Variants in NARS2 observed in about 807,000 individuals in gnomAD.
The protein encoded by NARS2 is asparaginyl-tRNA synthetase 2, mitochondrial.
NARS2 carries 60 observed loss-of-function variants against 62.9 expected under a neutral mutation model. The ratio of observed to expected loss-of-function variants is 0.95; its 90% confidence interval spans 0.77 to 1.18. NARS2 has a LOEUF of 1.18. Among genes scored for constraint, NARS2 ranks in the 50% most tolerant of loss-of-function variants. NARS2 has a pLI of 0.00. For synonymous variants in NARS2, 196 were observed against 200.0 expected (o/e 0.98, Z 0.17); for missense variants, 619 against 576.4 (o/e 1.07, Z -0.76).
intron 11 of NARS2, among the ~76,000 whole-genome samples, chr11:78,446,350 T>C (rs1857759459): frequency 6.6e-6 from 1 of 152,158 alleles, no homozygotes; most frequent in Non-Finnish European, 1.5e-5. Context: ...TGAATCAGAG[T>C]GAGCAAGAAC....
intron 5 of NARS2, among the ~76,000 whole-genome samples, chr11:78,529,544 C>G (rs532168810): frequency 2.6e-5 from 4 of 152,300 alleles, no homozygotes; most frequent in African/African-American, 9.6e-5. Flanking sequence ...ATTATTCCAT[C>G]TGAAATGAGT....
intron 11 of NARS2, among the ~76,000 whole-genome samples, chr11:78,449,187 G>C (rs1396688778): frequency 3.4e-5 from 5 of 146,132 alleles, no homozygotes; most frequent in Non-Finnish European, 5.9e-5. Context: ...CCAGGCTGGA[G>C]TGCAGTGGTG....
At chr11:78,478,718 A>C (rs201559758) in intron 7 of NARS2, 35 bp from the exon 8 acceptor site, 84 of 1,404,152 alleles carry the variant, frequency 6.0e-5, no homozygotes, top group Non-Finnish European at 9.9e-6. Context: ...CTGACACGTA[A>C]GCAATTTTAC....
At chr11:78,515,335 T>G (rs566970991) in intron 6 of NARS2, among the ~76,000 whole-genome samples, 1 of 152,232 alleles carries the variant, frequency 6.6e-6, no homozygotes, top group South Asian at 2.1e-4. Context: ...TGACACAGGT[T>G]GGGAGGTCCC....
rs57161960 is a variant in NARS2 at position 78,574,515 on chromosome 11, G to A, written c.-27C>T. ...CCGCGTCCGCCCAGGCCCTCCGCGG[G>A]AGCAGCCCAGACCCCACGGTTCGAA... On this transcript the variant is annotated 5_prime_UTR_variant, in exon 1 of 14. Coordinates refer to ENST00000281038, the MANE Select transcript of NARS2 (RefSeq NM_024678.6). 4.4e-6 allele frequency: 7 copies of A among 1,585,108 alleles called. No homozygotes were observed. The highest frequency in any genetic ancestry group is 6.0e-6 in the Non-Finnish European group (7 of 1,167,586).
At chr11:78,509,953 A>G (rs1429242100) in intron 6 of NARS2, among the ~76,000 whole-genome samples, 1 of 152,202 alleles carries the variant, frequency 6.6e-6, no homozygotes, top group Non-Finnish European at 1.5e-5. Flanking sequence ...TGTACTCTCC[A>G]TGGTAACGAC....
At position 78,493,116 on chromosome 11, in the gene NARS2, A is replaced by G; in HGVS notation, c.769T>C (p.Tyr257His). Residue 257 changes from tyrosine (Y) to histidine (H), a missense_variant, in exon 7 of 14, where the codon TAT (tyrosine) becomes CAT (histidine). Tyr to His is a moderately conservative substitution (Grantham distance 83). Coordinates refer to ENST00000281038, the MANE Select transcript of NARS2 (RefSeq NM_024678.6). Reference protein sequence around the residue: ...SQSRRHLAEFYMIEAEISFVD... With the variant: ...SQSRRHLAEFHMIEAEISFVD... ...AAAGAAATCTCTGCTTCTATCATAT[A>G]AAACTCTGCCAGGTGCCTCCGGCTC... 6.2e-7 allele frequency: 1 copy of G among 1,614,036 alleles called. No individual in the cohort carries two copies. Among genetic ancestry groups the G allele is most frequent in the Non-Finnish European group, 8.5e-7 (1 of 1,179,912 alleles).
intron 11 of NARS2, among the ~76,000 whole-genome samples, chr11:78,449,139 T>G (rs1289064804): frequency 6.8e-6 from 1 of 146,410 alleles, no homozygotes; most frequent in Non-Finnish European, 1.5e-5. Flanking sequence ...AAATGTTTTT[T>G]TTTTTTTTTT....
rs187355659 is a variant in NARS2, at chr11:78,553,924, T to C, written c.594+5615A>G. 2.4e-3 allele frequency among the ~76,000 whole-genome samples: 373 copies of C among 152,330 alleles called. 2 individuals are homozygous for C. Among genetic ancestry groups the C allele is most frequent in the African/African-American group, 8.6e-3 (358 of 41,580 alleles). The stretch of plus-strand genomic sequence containing the variant: ...CTTGAGTTGATTTTTGTACATGATG[T>C]AAGGAAGAGGTCCAGCTTCAATCGT... On this transcript the variant is annotated intron_variant, in intron 5 of 13. Coordinates refer to ENST00000281038, the MANE Select transcript of NARS2 (RefSeq NM_024678.6).
intron 11 of NARS2, among the ~76,000 whole-genome samples, chr11:78,459,336 T>C (rs966598916): frequency 1.3e-5 from 2 of 150,822 alleles, no homozygotes; most frequent in African/African-American, 4.9e-5. Flanking sequence ...AATGATGCAA[T>C]CTCGGCTCAC....
chr11:78,464,936 G>A (rs1464472200), intron 11 of NARS2, among the ~76,000 whole-genome samples: 8 of 152,260 alleles, frequency 5.3e-5, no homozygotes, highest in African/African-American at 1.9e-4. Context: ...GGGGCTGCAG[G>A]TGGACCTGCC....
At chr11:78,530,530 G>C (rs1046914232) in intron 5 of NARS2, among the ~76,000 whole-genome samples, 1 of 152,162 alleles carries the variant, frequency 6.6e-6, no homozygotes, top group African/African-American at 2.4e-5. Flanking sequence ...CTGAAGTGCA[G>C]TGGCGCGATC....
intron 7 of NARS2, among the ~76,000 whole-genome samples, chr11:78,482,275 A>T (rs536088036): frequency 1.3e-5 from 2 of 152,342 alleles, no homozygotes; most frequent in East Asian, 3.9e-4. Flanking sequence ...ATAGCACTAA[A>T]TGCCCACATC....
chr11:78,526,502 T>C (rs1228007442), intron 6 of NARS2, among the ~76,000 whole-genome samples: 2 of 152,210 alleles, frequency 1.3e-5, no homozygotes, highest in Non-Finnish European at 2.9e-5. Flanking sequence ...AACAATTTCT[T>C]ATTGGAGAAT....
At chr11:78,486,586 C>A (rs1165696512) in intron 7 of NARS2, among the ~76,000 whole-genome samples, 1 of 152,234 alleles carries the variant, frequency 6.6e-6, no homozygotes, top group Non-Finnish European at 1.5e-5. Context: ...ATAAAACTTA[C>A]AGTCTCAATC....
In NARS2 at chr11:78,464,865, G is replaced by A. The variant is rs375654353; in HGVS notation, c.1164+1011C>T. Among the ~76,000 whole-genome samples, 7 of 152,362 alleles carry A rather than the reference G, an allele frequency of 4.6e-5. No individual in the cohort carries two copies. In the South Asian group the frequency reaches 1.4e-3, roughly 32 times the overall value. On this transcript the variant is annotated intron_variant, in intron 11 of 13. Coordinates refer to ENST00000281038, the MANE Select transcript of NARS2 (RefSeq NM_024678.6). ...TACAATCTCTTAGCTAGACATAAAG[G>A]TTCTCCACGTCCCCACCAGACTCAG...
At chr11:78,537,708 G>A (rs1270972176) in intron 5 of NARS2, among the ~76,000 whole-genome samples, 8 of 152,198 alleles carry the variant, frequency 5.3e-5, no homozygotes, top group Non-Finnish European at 1.0e-4. Context: ...GGCTGAGGAA[G>A]GATTGCTTGA....
chr11:78,543,571 T>A (rs1855717215), intron 5 of NARS2, among the ~76,000 whole-genome samples: 1 of 152,066 alleles, frequency 6.6e-6, no homozygotes, highest in African/African-American at 2.4e-5. Context: ...TAACCATTTG[T>A]AGGAAAAAAA....
chr11:78,472,206 A>G (rs1329397646), intron 9 of NARS2, among the ~76,000 whole-genome samples: 1 of 152,164 alleles, frequency 6.6e-6, no homozygotes, highest in Non-Finnish European at 1.5e-5. Flanking sequence ...TCTATTAAGT[A>G]TTTTTCTTGA....
Sources: gnomAD v4.1 joint callset for allele counts (sites outside exome capture counted in the v4.1 genomes callset) on GRCh38, gnomAD v4.1.1 for gene constraint, MANE v1.5 for transcripts, NCBI Gene and HGNC (gene_info 2026-07-23, HGNC 2026-07-21) for gene names.